Variants in QTMAN observed in about 807,000 individuals in gnomAD.
The protein encoded by QTMAN is tRNA-queuosine alpha-mannosyltransferase.
At chr2:144,323,913 G>C in the QTMAN span, among the ~76,000 whole-genome samples, 108 of 152,210 alleles carry the variant, frequency 7.1e-4, no homozygotes, top group African/African-American at 2.5e-3. Context: ...ACTTGTCCAA[G>C]GTCACAACAG....
At chr2:144,302,381 C>T in the QTMAN span, among the ~76,000 whole-genome samples, 1 of 152,120 alleles carries the variant, frequency 6.6e-6, no homozygotes, top group Admixed American at 6.5e-5. Context: ...TTGCCCATAG[C>T]AATCTCCCTG....
chr2:144,262,375 T>C, the QTMAN span, among the ~76,000 whole-genome samples: 1 of 151,688 alleles, frequency 6.6e-6, no homozygotes, highest in Non-Finnish European at 1.5e-5. Context: ...CTGGGCAACA[T>C]AGCAAAACAC....
chr2:144,243,385 C>T, the QTMAN span, among the ~76,000 whole-genome samples: 1,337 of 152,232 alleles, frequency 8.8e-3, 14 homozygotes, highest in African/African-American at 0.03. Context: ...GTATGTATGG[C>T]CATCAGACTA....
chr2:144,029,658 G>C, the QTMAN span, among the ~76,000 whole-genome samples: 8 of 152,226 alleles, frequency 5.3e-5, no homozygotes, highest in Non-Finnish European at 7.4e-5. Flanking sequence ...TGCTAGCAAA[G>C]CTCAGGGAGG....
At chr2:144,104,197 T>C in the QTMAN span, among the ~76,000 whole-genome samples, 2 of 151,716 alleles carry the variant, frequency 1.3e-5, no homozygotes, top group Non-Finnish European at 2.9e-5. Context: ...AGAAGATGGG[T>C]GATTTCTGCA....
At chr2:144,236,944 G>C in the QTMAN span, among the ~76,000 whole-genome samples, 1 of 151,752 alleles carries the variant, frequency 6.6e-6, no homozygotes, top group Non-Finnish European at 1.5e-5. Context: ...GTAGAAGAAG[G>C]GAAAAATTAC....
At chr2:144,303,878 G>T in the QTMAN span, among the ~76,000 whole-genome samples, 1 of 152,220 alleles carries the variant, frequency 6.6e-6, no homozygotes, top group East Asian at 1.9e-4. Context: ...TCTGCATCAT[G>T]GTGGGAGACA....
At chr2:144,163,845 C>G in the QTMAN span, among the ~76,000 whole-genome samples, 1 of 152,206 alleles carries the variant, frequency 6.6e-6, no homozygotes, top group South Asian at 2.1e-4. Context: ...TGAAGGCAGA[C>G]TACCCAGGTC....
chr2:144,307,748 C>T, the QTMAN span, among the ~76,000 whole-genome samples: 7 of 152,140 alleles, frequency 4.6e-5, no homozygotes, highest in Non-Finnish European at 7.4e-5. Flanking sequence ...ATATAATTCA[C>T]GTCCTATTCA....
chr2:144,307,159 TAAAA>T, the QTMAN span, among the ~76,000 whole-genome samples: 4 of 40,464 alleles, frequency 9.9e-5, no homozygotes, highest in African/African-American at 2.6e-4. Context: ...GACTCCGTCT[TAAAA>T]AAAAAAAAAA....
At chr2:144,241,716 T>C in the QTMAN span, among the ~76,000 whole-genome samples, 1 of 152,186 alleles carries the variant, frequency 6.6e-6, no homozygotes, top group African/African-American at 2.4e-5. Flanking sequence ...TGTCTTCCTT[T>C]CTTTAGGAGG....
At chr2:144,072,561 G>A in the QTMAN span, among the ~76,000 whole-genome samples, 1 of 152,190 alleles carries the variant, frequency 6.6e-6, no homozygotes, top group Non-Finnish European at 1.5e-5. Flanking sequence ...GCAGAACACA[G>A]TTCTAAGTCA....
chr2:144,125,421 T>C, the QTMAN span, among the ~76,000 whole-genome samples: 1 of 152,038 alleles, frequency 6.6e-6, no homozygotes, highest in East Asian at 1.9e-4. Flanking sequence ...ACTTAGGTAA[T>C]TACATTCTGC....
the QTMAN span, among the ~76,000 whole-genome samples, chr2:144,013,451 G>A: frequency 6.6e-6 from 1 of 152,096 alleles, no homozygotes; most frequent in Non-Finnish European, 1.5e-5. Context: ...ATATAATAGA[G>A]ATTGCAAAAA....
chr2:143,961,942 C>G, the QTMAN span, among the ~76,000 whole-genome samples: 3 of 152,058 alleles, frequency 2.0e-5, no homozygotes, highest in African/African-American at 7.2e-5. Context: ...AGTTAATAAG[C>G]CTTTCCTGAG....
the QTMAN span, among the ~76,000 whole-genome samples, chr2:144,142,997 A>G: frequency 6.6e-6 from 1 of 152,006 alleles, no homozygotes; most frequent in Non-Finnish European, 1.5e-5. Context: ...GATGCTAGGC[A>G]GCAGCAGTGA....
At chr2:144,071,296 T>C in the QTMAN span, among the ~76,000 whole-genome samples, 88 of 151,898 alleles carry the variant, frequency 5.8e-4, no homozygotes, top group African/African-American at 2.0e-3. Flanking sequence ...TCGAGGGGGA[T>C]AGGGGTTGGG....
At chr2:144,316,139 G>C in the QTMAN span, among the ~76,000 whole-genome samples, 1 of 152,074 alleles carries the variant, frequency 6.6e-6, no homozygotes, top group South Asian at 2.1e-4. Context: ...TTCTCATGAG[G>C]CTGGGACGAG....
the QTMAN span, among the ~76,000 whole-genome samples, chr2:143,980,565 T>C: frequency 3.3e-5 from 5 of 152,198 alleles, no homozygotes; most frequent in African/African-American, 7.2e-5. Flanking sequence ...GTGTGTATTT[T>C]GCTATTTGTG....
Sources: allele counts gnomAD v4.1 joint callset (sites outside exome capture counted in the v4.1 genomes callset), GRCh38; gene constraint gnomAD v4.1.1; transcripts MANE v1.5; gene names NCBI Gene and HGNC (gene_info 2026-07-23, HGNC 2026-07-21).